The following ZEB1 variants were observed in gnomAD, a reference collection of about 807,000 sequenced individuals.
The protein encoded by ZEB1 is zinc finger E-box binding homeobox 1.
A neutral mutation model predicts 84.9 loss-of-function variants in ZEB1; 21 were observed. The ratio of observed to expected loss-of-function variants is 0.25; its 90% confidence interval spans 0.18 to 0.36. ZEB1 has a LOEUF of 0.36. Ranked by LOEUF, ZEB1 falls within the 10% of genes least tolerant of loss-of-function variation. ZEB1 has a pLI of 1.00. For synonymous variants in ZEB1, 420 were observed against 471.1 expected (o/e 0.89, Z 1.41); for missense variants, 1,104 against 1,330.2 (o/e 0.83, Z 2.65).
At chr10:31,508,406 C>T (rs2069355253) in intron 4 of ZEB1, among the ~76,000 whole-genome samples, 2 of 152,110 alleles carry the variant, frequency 1.3e-5, no homozygotes, top group South Asian at 2.1e-4. Flanking sequence ...CCTAGTGATT[C>T]ACGCTGGTGT....
At chr10:31,347,468 C>T (rs1250052579) in intron 1 of ZEB1, among the ~76,000 whole-genome samples, 1 of 152,076 alleles carries the variant, frequency 6.6e-6, no homozygotes, top group African/African-American at 2.4e-5. Flanking sequence ...GTTTGGCCTC[C>T]TAGGTAGCTG....
chr10:31,419,463 T>A (rs2055778687), intron 1 of ZEB1, among the ~76,000 whole-genome samples: 1 of 152,150 alleles, frequency 6.6e-6, no homozygotes, highest in South Asian at 2.1e-4. Flanking sequence ...CTATGGCTAA[T>A]GTGTGGAGAT....
chr10:31,389,298 T>C lies in ZEB1; in HGVS notation c.58+70006T>C, dbSNP rs376014458. Among the ~76,000 whole-genome samples, 80 of 152,272 alleles carry C rather than the reference T, an allele frequency of 5.3e-4. 1 individual carries two copies. The South Asian group carries it at 0.016, about 31-fold the overall frequency. On this transcript the variant is annotated intron_variant, in intron 1 of 8. Transcript: ENST00000424869. The stretch of plus-strand genomic sequence containing the variant: ...CAAAATAATGGTACCGAGGGCTTCT[T>C]CCATTGAAACTAATATCTGGGAGAA...
chr10:31,381,000 A>C (rs945804567), intron 1 of ZEB1, among the ~76,000 whole-genome samples: 7 of 152,164 alleles, frequency 4.6e-5, no homozygotes, highest in African/African-American at 1.4e-4. Flanking sequence ...TGATGAGTTG[A>C]GCCTCAAAGA....
intron 4 of ZEB1, among the ~76,000 whole-genome samples, chr10:31,506,923 T>C (rs1242913568): frequency 6.6e-6 from 1 of 152,128 alleles, no homozygotes; most frequent in Non-Finnish European, 1.5e-5. Context: ...GTTCTACCAG[T>C]GGATTTTATA....
intron 1 of ZEB1, among the ~76,000 whole-genome samples, chr10:31,429,819 C>CT (rs1276717481): frequency 4.3e-5 from 6 of 140,928 alleles, no homozygotes; most frequent in Non-Finnish European, 7.5e-5. Context: ...TCTCGGCTCA[C>CT]TGTAACCTCC....
At chr10:31,482,696 A>G (rs1025863214) in intron 2 of ZEB1, among the ~76,000 whole-genome samples, 2 of 152,044 alleles carry the variant, frequency 1.3e-5, no homozygotes, top group South Asian at 2.1e-4. Context: ...TACTTTGAAA[A>G]TTTCTGATCA....
At chr10:31,348,539 G>C (rs2040733602) in intron 1 of ZEB1, among the ~76,000 whole-genome samples, 4 of 152,202 alleles carry the variant, frequency 2.6e-5, no homozygotes, top group African/African-American at 9.6e-5. Context: ...ATTCCAGCCT[G>C]GGTGACAGAG....
At chr10:31,523,897 G>C (rs763383123) in intron 7 of ZEB1, 36 bp from the exon 8 acceptor site, 3 of 1,603,984 alleles carry the variant, frequency 1.9e-6, no homozygotes, top group Non-Finnish European at 2.6e-6. Context: ...ATCTTTTAAT[G>C]TTAAATTACA....
intron 5 of ZEB1, among the ~76,000 whole-genome samples, chr10:31,512,349 C>A (rs1192916260): frequency 2.0e-5 from 3 of 152,130 alleles, no homozygotes; most frequent in Non-Finnish European, 2.9e-5. Flanking sequence ...AAAACCAATT[C>A]TATGATGATT....
intron 2 of ZEB1, among the ~76,000 whole-genome samples, chr10:31,486,774 T>A (rs1305589667): frequency 6.6e-6 from 1 of 151,508 alleles, no homozygotes; most frequent in East Asian, 1.9e-4. Flanking sequence ...GAACAAAAGT[T>A]TTAATTGAGA....
intron 8 of ZEB1, among the ~76,000 whole-genome samples, 192 bp downstream of exon 8, chr10:31,524,305 G>A (rs764024568): frequency 2.0e-5 from 3 of 151,170 alleles, no homozygotes; most frequent in South Asian, 4.2e-4. Flanking sequence ...TGCAACCTCC[G>A]CCTCCCGGGC....
chr10:31,461,165 A>C lies in ZEB1; in HGVS notation c.187A>C (p.Thr63Pro). The C allele has an allele frequency of 6.2e-7, 1 of 1,613,598 alleles. No homozygotes were observed. The change falls in exon 2 of 9, where the codon ACA (threonine) becomes CCA (proline). Residue 63 changes from threonine (T) to proline (P), a missense_variant. Physicochemically the swap from Thr to Pro is conservative, Grantham distance 38 (BLOSUM62 -1). Transcript: ENST00000424869. ...AGGTGTACCAGAGGATGACCTGCCA[A>C]CAGACCAGACAGTGTTACCAGGGAG... is the stretch of plus-strand genomic sequence containing the variant. Reference protein sequence around the residue: ...CEGVPEDDLPTDQTVLPGRSS... With the variant: ...CEGVPEDDLPPDQTVLPGRSS...
intron 1 of ZEB1, among the ~76,000 whole-genome samples, chr10:31,437,171 G>C (rs12217770): frequency 6.6e-6 from 1 of 152,156 alleles, no homozygotes; most frequent in African/African-American, 2.4e-5. Context: ...ATATAATTAG[G>C]TAAGGATTCT....
rs557365535 is a variant in ZEB1, at chr10:31,457,728, C to A, written c.59-3309C>A. ...TGCTTTGAGCTATGGTTGACTTGGG[C>A]AGAATAGAACACCCAGTATCTCTGG... On this transcript the variant is annotated intron_variant, in intron 1 of 8. Transcript: ENST00000424869. Among the ~76,000 whole-genome samples, 133 of 152,032 alleles carry A rather than the reference C, an allele frequency of 8.7e-4. 1 individual carries two copies. The highest frequency in any genetic ancestry group is 3.1e-3 in the African/African-American group (127 of 41,468).
At chr10:31,472,817 C>T (rs1316284117) in intron 2 of ZEB1, among the ~76,000 whole-genome samples, 1 of 138,576 alleles carries the variant, frequency 7.2e-6, no homozygotes, top group East Asian at 2.0e-4. Flanking sequence ...CAGTAAAATA[C>T]TGGCAAACCG....
In ZEB1 at chr10:31,527,519, A is replaced by G; in HGVS notation, c.*255A>G. 1 of 500,602 alleles carries G rather than the reference A, an allele frequency of 2.0e-6. No individual in the cohort carries two copies. Among genetic ancestry groups the G allele is most frequent in the Non-Finnish European group, 3.5e-6 (1 of 283,678 alleles). 31.0% of individuals were successfully genotyped at this position (500,602 alleles called of 1,614,324 possible). On this transcript the variant is annotated 3_prime_UTR_variant, in exon 9 of 9. Transcript: ENST00000424869. ...TTTCATGCAGTTTTCAAAGTTAGGA[A>G]CAAGTTTGTAACATGCAGCAGATTA... is the stretch of plus-strand genomic sequence containing the variant.
intron 1 of ZEB1, among the ~76,000 whole-genome samples, chr10:31,406,021 A>C (rs916411746): frequency 1.3e-5 from 2 of 151,990 alleles, no homozygotes; most frequent in Admixed American, 1.3e-4. Flanking sequence ...AAGGACATGA[A>C]CTCATCCTTT....
At chr10:31,522,361 A>G (rs1157161955) in intron 7 of ZEB1, among the ~76,000 whole-genome samples, 3 of 152,348 alleles carry the variant, frequency 2.0e-5, no homozygotes, top group South Asian at 4.1e-4. Flanking sequence ...AAACTTATCT[A>G]TCACTTTTAT....
Sources: gnomAD v4.1 joint callset for allele counts (sites outside exome capture counted in the v4.1 genomes callset) on GRCh38, gnomAD v4.1.1 for gene constraint, MANE v1.5 for transcripts, NCBI Gene and HGNC (gene_info 2026-07-23, HGNC 2026-07-21) for gene names.